The following ST3GAL1 variants were observed in gnomAD, a reference collection of about 807,000 sequenced individuals.
ST3GAL1 encodes CMP-N-acetylneuraminate-beta-galactosamide-alpha-2,3-sialyltransferase 1.
A neutral mutation model predicts 34.1 loss-of-function variants in ST3GAL1; 16 were observed. That is an observed-to-expected ratio of 0.47 (90% CI 0.32 to 0.71). The LOEUF is 0.71. Ranked by LOEUF, ST3GAL1 falls within the 30% of genes least tolerant of loss-of-function variation. The pLI is 0.04. For missense variants in ST3GAL1, 353 were observed against 447.4 expected (o/e 0.79, Z 1.90); for synonymous variants, 191 against 184.7 (o/e 1.03, Z -0.28).
At chr8:133,511,745 A>T (rs1484483329) in intron 2 of ST3GAL1, among the ~76,000 whole-genome samples, 1 of 152,168 alleles carries the variant, frequency 6.6e-6, no homozygotes, top group African/African-American at 2.4e-5. Context: ...ATAGATGTAT[A>T]TATAAAGGGG....
Position 133,466,025 on chromosome 8 carries a change from C to A in ST3GAL1, c.372G>T (p.Val124=), listed in dbSNP as rs1815721150. 6.2e-7 allele frequency: 1 copy of A among 1,614,210 alleles called. No individual in the cohort carries two copies. The highest frequency in any genetic ancestry group is 1.1e-5 in the South Asian group (1 of 91,090). Residue 124 remains valine (V), a synonymous_variant, in exon 6 of 10, where the codon GTG becomes GTT. Transcript: ENST00000522652. This position sits in a 1 kb window ranked among gnomAD's most constrained non-coding sequence, Gnocchi z 4.4. The stretch of plus-strand genomic sequence containing the variant: ...CCAGCATAGGGTCCACATTCCCAGG[C>A]ACCACTCTGAACAGCTCCTTGATGG... ...NDTIKELFRV[V]PGNVDPMLEK... is the part of the protein sequence containing the mutation.
intron 2 of ST3GAL1, among the ~76,000 whole-genome samples, chr8:133,502,383 G>T (rs959273198): frequency 6.6e-6 from 1 of 150,410 alleles, no homozygotes; most frequent in African/African-American, 2.5e-5. Flanking sequence ...GTTAAATGAG[G>T]TCATAATGGT....
At chr8:133,522,323 C>T (rs1270183747) in intron 2 of ST3GAL1, among the ~76,000 whole-genome samples, 1 of 152,160 alleles carries the variant, frequency 6.6e-6, no homozygotes, top group Non-Finnish European at 1.5e-5. Flanking sequence ...GGAATGGTGG[C>T]TCAGGACACT....
chr8:133,489,362 G>A (rs1242395211), intron 3 of ST3GAL1, among the ~76,000 whole-genome samples: 1 of 152,126 alleles, frequency 6.6e-6, no homozygotes, highest in Non-Finnish European at 1.5e-5. Context: ...CCCACAGAAA[G>A]CCATGCCTCC....
chr8:133,514,861 G>C (rs1274240718), intron 2 of ST3GAL1, among the ~76,000 whole-genome samples: 1 of 152,002 alleles, frequency 6.6e-6, no homozygotes, highest in Non-Finnish European at 1.5e-5. Flanking sequence ...AATCCTGTGG[G>C]GGTACTCACA....
intron 3 of ST3GAL1, among the ~76,000 whole-genome samples, chr8:133,483,001 T>C (rs573364983): frequency 6.6e-6 from 1 of 152,368 alleles, no homozygotes; most frequent in African/African-American, 2.4e-5. Context: ...GGCAAGGCAC[T>C]TGCCCTCTCT....
Position 133,517,328 on chromosome 8 carries a change from G to A in ST3GAL1, c.-428-18139C>T, listed in dbSNP as rs183360355. The stretch of plus-strand genomic sequence containing the variant: ...ACCAAACTGGTGGATAACTCACCCA[G>A]TCTTGCACTTTTTTATTTTTTTATT... On this transcript the variant is annotated intron_variant, in intron 2 of 9. Coordinates refer to ENST00000522652, the MANE Select transcript of ST3GAL1 (RefSeq NM_173344.3). Among the ~76,000 whole-genome samples the A allele has an allele frequency of 2.6e-5, 4 of 152,252 alleles. No individual in the cohort carries two copies. In the East Asian group the frequency reaches 7.7e-4, roughly 29 times the overall value.
intron 2 of ST3GAL1, among the ~76,000 whole-genome samples, chr8:133,503,904 A>T (rs78319345): frequency 3.9e-5 from 6 of 152,222 alleles, no homozygotes; most frequent in Admixed American, 3.3e-4. Context: ...ATTAGAATCA[A>T]GTGCTGCTCT....
rs1225415248 is a variant in ST3GAL1, at chr8:133,522,140, T to C, written c.-428-22951A>G. 2.0e-5 allele frequency among the ~76,000 whole-genome samples: 3 copies of C among 152,254 alleles called. No individual in the cohort carries two copies. The East Asian group carries it at 5.8e-4, about 29-fold the overall frequency. On this transcript the variant is annotated intron_variant, in intron 2 of 9. Transcript: ENST00000522652. ...GAGCACTCCCAAGAGCTATATAGAA[T>C]GGGGAAGCCATCTAAGATTTAAAAT...
intron 3 of ST3GAL1, among the ~76,000 whole-genome samples, chr8:133,491,490 G>T (rs1816783797): frequency 6.6e-6 from 1 of 152,296 alleles, no homozygotes; most frequent in South Asian, 2.1e-4. Context: ...TCAGCATAAA[G>T]GAAGGGCTGG....
At chr8:133,491,256 T>A (rs760326) in intron 3 of ST3GAL1, among the ~76,000 whole-genome samples, 99,069 of 143,974 alleles carry the variant, frequency 0.69, 29,844 homozygotes, top group Admixed American at 0.7. Context: ...GATCGAGGAG[T>A]GCTACATTTG....
Position 133,459,929 on chromosome 8 carries a change from C to G in ST3GAL1, c.858G>C (p.Leu286Phe). The change falls in exon 10 of 10, where the codon TTG (leucine) becomes TTC (phenylalanine). Residue 286 changes from leucine (L) to phenylalanine (F), a missense_variant. Transcript: ENST00000522652. The surrounding 1 kb of genome is among the most constrained non-coding windows in gnomAD (Gnocchi z 4.7). ...CTTTGCTGTCTGCCCCGAAGCCGTACAAGTCCACCTGTGGGAGCAAAGCAA... is the reference window on the plus strand; with the variant it reads ...CTTTGCTGTCTGCCCCGAAGCCGTAGAAGTCCACCTGTGGGAGCAAAGCAA... ...FSMHVCDEVD[L>F]YGFGADSKGN... The G allele has an allele frequency of 6.2e-7, 1 of 1,611,648 alleles. No homozygotes were observed. Among genetic ancestry groups the G allele is most frequent in the Non-Finnish European group, 8.5e-7 (1 of 1,178,582 alleles).
At chr8:133,541,561 C>T (rs558126700) in intron 2 of ST3GAL1, among the ~76,000 whole-genome samples, 31 of 152,116 alleles carry the variant, frequency 2.0e-4, no homozygotes, top group Non-Finnish European at 3.5e-4. Flanking sequence ...AGATGCAGAC[C>T]ATATACACGG....
chr8:133,476,231 A>T (rs1245181947), intron 4 of ST3GAL1, 47 bp downstream of exon 4: 5 of 515,894 alleles, frequency 9.7e-6, no homozygotes, highest in Non-Finnish European at 1.7e-5. Flanking sequence ...GCTGTGTGGT[A>T]GACCAACGCC....
At chr8:133,558,843 C>G (rs1236579710) in intron 1 of ST3GAL1, among the ~76,000 whole-genome samples, 1 of 152,160 alleles carries the variant, frequency 6.6e-6, no homozygotes, top group Non-Finnish European at 1.5e-5. Context: ...TTTCATTCAA[C>G]AGCATTTCAT....
chr8:133,461,809 CCT>C lies in ST3GAL1; in HGVS notation c.849+64_849+65del, dbSNP rs920042654. The C allele has an allele frequency of 9.4e-6, 15 of 1,598,104 alleles. No homozygotes were observed. In the African/African-American group the frequency reaches 2.0e-4, roughly 21 times the overall value. On this transcript the variant is annotated intron_variant, in intron 9 of 9. Coordinates refer to ENST00000522652, the MANE Select transcript of ST3GAL1 (RefSeq NM_173344.3). This position sits in a 1 kb window ranked among gnomAD's most constrained non-coding sequence, Gnocchi z 4.7. ...GTCTACCTGCCCTCCCCCTCCCTGG[CCT>C]CTCTTGGGAACACAGGACGGTGAGC...
intron 5 of ST3GAL1, among the ~76,000 whole-genome samples, chr8:133,473,487 C>T (rs762522143): frequency 6.6e-6 from 1 of 152,116 alleles, no homozygotes; most frequent in African/African-American, 2.4e-5. Context: ...TAAACAGAAT[C>T]CCATGGTGAC....
intron 2 of ST3GAL1, among the ~76,000 whole-genome samples, chr8:133,526,412 A>G (rs185552666): frequency 1.1e-4 from 16 of 152,242 alleles, no homozygotes; most frequent in Non-Finnish European, 1.5e-4. Context: ...CAGGGCCACA[A>G]AATCCATGTA....
At chr8:133,488,869 G>GT (rs1038277399) in intron 3 of ST3GAL1, among the ~76,000 whole-genome samples, 4 of 39,950 alleles carry the variant, frequency 1.0e-4, no homozygotes, top group South Asian at 6.6e-4. Context: ...CTGGCAGACA[G>GT]GGGGGGCCAG....
Sources: gnomAD v4.1 joint callset for allele counts (sites outside exome capture counted in the v4.1 genomes callset) on GRCh38, gnomAD v4.1.1 for gene constraint, Gnocchi (gnomAD v3.1) non-coding constraint, MANE v1.5 for transcripts, NCBI Gene and HGNC (gene_info 2026-07-23, HGNC 2026-07-21) for gene names.